Variants in CT55 observed in about 807,000 individuals in gnomAD.
CT55 encodes the protein cancer/testis antigen 55, also known as BRCA2-interacting protein.
Under a neutral mutation model 12.6 loss-of-function variants are expected in CT55, and 1 was observed. The ratio of observed to expected loss-of-function variants is 0.08; its 90% confidence interval spans 0.03 to 0.38. The LOEUF (loss-of-function observed/expected upper bound fraction) is 0.38. CT55 is among the 10% of genes least tolerant of loss of function. The pLI is 0.99. For missense variants in CT55, 109 were observed against 135.4 expected (o/e 0.80, Z 0.97); for synonymous variants, 43 against 49.7 (o/e 0.87, Z 0.57).
In CT55 at chrX:135,171,340, A is replaced by G. The variant is rs1243619435; in HGVS notation, c.-169T>C. On this transcript the variant is annotated 5_prime_UTR_variant, in exon 1 of 6. Transcript: ENST00000276241. ...CCCGTTAGTGAGCCCCCCTCAGGAGAGTCAGGGACACCGCAGCCTCCAAAG... is the reference window on the plus strand; with the variant it reads ...CCCGTTAGTGAGCCCCCCTCAGGAGGGTCAGGGACACCGCAGCCTCCAAAG... 61 of 940,847 alleles carry G rather than the reference A, an allele frequency of 6.5e-5. No homozygotes were observed. Among genetic ancestry groups the G allele is most frequent in the Non-Finnish European group, 8.3e-5 (59 of 714,480 alleles). 77.5% of individuals were successfully genotyped at this position (940,847 alleles called of 1,213,427 possible). A position where few individuals can be genotyped will look rare whatever the true frequency, so the allele number is the denominator to read the frequency against.
At chrX:135,171,523 A>G (rs1556406854), upstream of CT55, 2 of 165,171 alleles carry the variant, frequency 1.2e-5, no homozygotes, top group Admixed American at 1.6e-4. Context: ...TCTCCCATCA[A>G]GGCTGAGGGA....
chrX:135,169,487 C>G, intron 2 of CT55, 107 bp downstream of exon 2: 1 of 553,187 alleles, frequency 1.8e-6, no homozygotes, highest in East Asian at 3.8e-5. Flanking sequence ...AGTCTACATC[C>G]ACTCTACGGA....
intron 1 of CT55, among the ~76,000 whole-genome samples, chrX:135,170,367 A>G (rs1370424357): frequency 8.9e-6 from 1 of 112,158 alleles, no homozygotes; most frequent in Non-Finnish European, 1.9e-5. Context: ...CTTGCACAAG[A>G]GTGTGTAAAT....
At chrX:135,166,311 A>G (rs1265595270) in intron 2 of CT55, among the ~76,000 whole-genome samples, 8 of 111,505 alleles carry the variant, frequency 7.2e-5, no homozygotes, top group African/African-American at 2.0e-4. Flanking sequence ...ACATACACAA[A>G]TCAATAAATG....
At chrX:135,159,830 C>T (rs1556404835) in intron 3 of CT55, among the ~76,000 whole-genome samples, 3 of 111,031 alleles carry the variant, frequency 2.7e-5, no homozygotes, top group Non-Finnish European at 1.9e-5. Flanking sequence ...CCAAGCTATA[C>T]GACAGCTGCA....
chrX:135,167,686 T>C (rs1277681883), intron 2 of CT55, among the ~76,000 whole-genome samples: 1 of 110,287 alleles, frequency 9.1e-6, no homozygotes, highest in Non-Finnish European at 1.9e-5. Flanking sequence ...GGAGAAAACA[T>C]TGACAATCTA....
Position 135,167,216 on chromosome X carries a change from G to A in CT55, c.279+2378C>T, listed in dbSNP as rs74745317. ...AAAACATATGACAAAGCTATAGTAA[G>A]CATAACAGCACAGTACCAGTATAAA... On this transcript the variant is annotated intron_variant, in intron 2 of 5. Coordinates refer to ENST00000276241, the MANE Select transcript of CT55 (RefSeq NM_001031705.3). Among the ~76,000 whole-genome samples the A allele has an allele frequency of 0.012, 1,388 of 111,847 alleles. 56 individuals carry two copies. The East Asian group carries it at 0.19, about 15-fold the overall frequency.
chrX:135,168,867 C>A (rs1394768585), intron 2 of CT55, among the ~76,000 whole-genome samples: 3 of 112,105 alleles, frequency 2.7e-5, no homozygotes, highest in Non-Finnish European at 5.6e-5. Flanking sequence ...ATAGAGATAG[C>A]CATAAATATC....
rs2083610243 is a variant in CT55 at position 135,171,323 on chromosome X, T to G, written c.-152A>C. On this transcript the variant is annotated 5_prime_UTR_variant, in exon 1 of 6. Transcript: ENST00000276241. ...CTGTGGCATGGGACCCACCCGTTAG[T>G]GAGCCCCCCTCAGGAGAGTCAGGGA... 5.4e-5 allele frequency: 55 copies of G among 1,026,125 alleles called. No homozygotes were observed. Among genetic ancestry groups the G allele is most frequent in the Non-Finnish European group, 7.1e-5 (55 of 780,112 alleles). 84.6% of individuals were successfully genotyped at this position (1,026,125 alleles called of 1,213,427 possible). A position where few individuals can be genotyped will look rare whatever the true frequency, so the allele number is the denominator to read the frequency against.
chrX:135,162,801 C>A (rs1244600663), intron 2 of CT55, among the ~76,000 whole-genome samples: 1 of 111,484 alleles, frequency 9.0e-6, no homozygotes, highest in Non-Finnish European at 1.9e-5. Context: ...GCCACAGCCA[C>A]AGCAAAACAA....
rs566570066 is a variant in CT55 at position 135,159,103 on chromosome X, C to T, written c.425-792G>A. Among the ~76,000 whole-genome samples, 6 of 111,617 alleles carry T rather than the reference C, an allele frequency of 5.4e-5. No homozygotes were observed. The South Asian group carries it at 2.3e-3, about 42-fold the overall frequency. Reference sequence around the variant, plus strand: ...GTGGAAATCCCAACTGCAACTGAGACAGTAAATTGCCACAATGAAAACTAG... The same window carrying T: ...GTGGAAATCCCAACTGCAACTGAGATAGTAAATTGCCACAATGAAAACTAG... On this transcript the variant is annotated intron_variant, in intron 3 of 5. Coordinates refer to ENST00000276241, the MANE Select transcript of CT55 (RefSeq NM_001031705.3).
intron 2 of CT55, among the ~76,000 whole-genome samples, chrX:135,166,053 A>C (rs1378183177): frequency 6.7e-5 from 7 of 105,228 alleles, no homozygotes; most frequent in Non-Finnish European, 9.8e-5. Context: ...AAAAAAAAAA[A>C]AAAAAAAAAA....
chrX:135,169,838 T>C (rs782216589), intron 1 of CT55, 60 bp from the exon 2 acceptor site: 86 of 897,055 alleles, frequency 9.6e-5, no homozygotes, highest in Non-Finnish European at 1.3e-4. Flanking sequence ...CTACTACAAG[T>C]AAGTCTTACA....
At chrX:135,163,630 A>T (rs782472285) in intron 2 of CT55, among the ~76,000 whole-genome samples, 111 of 111,738 alleles carry the variant, frequency 9.9e-4, no homozygotes, top group African/African-American at 3.4e-3. Context: ...AAAAGAGGTA[A>T]AAAGATCATT....
intron 2 of CT55, among the ~76,000 whole-genome samples, chrX:135,164,257 T>C (rs1240888306): frequency 2.7e-5 from 3 of 111,957 alleles, no homozygotes; most frequent in African/African-American, 9.7e-5. Context: ...ATACAAAATA[T>C]AAAAAATTGT....
At chrX:135,171,496 G>A (rs782319691), upstream of CT55, 277 of 212,185 alleles carry the variant, frequency 1.3e-3, 1 homozygote, top group African/African-American at 7.2e-3. Flanking sequence ...AAGGCGATGG[G>A]TGGGAACATC....
At chrX:135,159,867 G>T (rs782167248) in intron 3 of CT55, among the ~76,000 whole-genome samples, 3 of 110,753 alleles carry the variant, frequency 2.7e-5, no homozygotes, top group Non-Finnish European at 3.8e-5. Flanking sequence ...AAAAAATATC[G>T]TTGGGTAGAA....
intron 2 of CT55, among the ~76,000 whole-genome samples, chrX:135,163,706 C>T (rs1556405535): frequency 9.0e-6 from 1 of 111,433 alleles, no homozygotes; most frequent in Admixed American, 9.5e-5. Context: ...TACTGGAAGA[C>T]CAAAGTTCTG....
At chrX:135,167,333 A>G (rs2083590444) in intron 2 of CT55, among the ~76,000 whole-genome samples, 1 of 112,453 alleles carries the variant, frequency 8.9e-6, no homozygotes, top group South Asian at 3.7e-4. Flanking sequence ...AGGCCCGAGA[A>G]CACACAATGT....
Sources: gnomAD v4.1 joint callset for allele counts (sites outside exome capture counted in the v4.1 genomes callset) on GRCh38, gnomAD v4.1.1 for gene constraint, MANE v1.5 for transcripts, NCBI Gene and HGNC (gene_info 2026-07-23, HGNC 2026-07-21) for gene names.